Variants in CSRNP3 observed in about 807,000 individuals in gnomAD.
The protein encoded by CSRNP3 is cysteine/serine-rich nuclear protein 3.
CSRNP3 carries 12 observed loss-of-function variants against 48.0 expected under a neutral mutation model. The ratio of observed to expected loss-of-function variants is 0.25; its 90% CI spans 0.16 to 0.41. The LOEUF is 0.41. CSRNP3 is among the 10% of genes least tolerant of loss of function. CSRNP3 has a pLI of 1.00. For synonymous variants in CSRNP3, 263 were observed against 269.7 expected (o/e 0.98, Z 0.24); for missense variants, 580 against 724.4 (o/e 0.80, Z 2.29).
intron 4 of CSRNP3, among the ~76,000 whole-genome samples, chr2:165,599,375 T>C (rs202147888): frequency 6.6e-6 from 1 of 150,818 alleles, no homozygotes; most frequent in Non-Finnish European, 1.5e-5. Flanking sequence ...TCTGAGGTTT[T>C]TTTGTTTGTT....
intron 2 of CSRNP3, among the ~76,000 whole-genome samples, chr2:165,516,629 A>G (rs768164298): frequency 1.3e-5 from 2 of 152,142 alleles, no homozygotes; most frequent in African/African-American, 4.8e-5. Flanking sequence ...AAATAATAAA[A>G]TTGAATTTTG....
At position 165,618,097 on chromosome 2, in the gene CSRNP3, T is replaced by C. The variant is rs538730163; in HGVS notation, c.148+22884T>C. Among the ~76,000 whole-genome samples, 10 of 152,324 alleles carry C rather than the reference T, an allele frequency of 6.6e-5. No homozygotes were observed. In the South Asian group the frequency reaches 1.9e-3, roughly 28 times the overall value. ...GAATTTCCTCTCTAGAACAGTGTAG[T>C]AATGTGAACTACATGCAGCTGCCTG... On this transcript the variant is annotated intron_variant, in intron 4 of 6. Coordinates refer to ENST00000651982, the MANE Select transcript of CSRNP3 (RefSeq NM_001172173.2).
At chr2:165,508,620 A>C (rs1684459669) in intron 2 of CSRNP3, among the ~76,000 whole-genome samples, 1 of 152,110 alleles carries the variant, frequency 6.6e-6, no homozygotes, top group Non-Finnish European at 1.5e-5. Context: ...ACATTTACAT[A>C]TTCTAAGAGG....
intron 1 of CSRNP3, among the ~76,000 whole-genome samples, chr2:165,490,317 G>A (rs1418867412): frequency 1.3e-5 from 2 of 148,676 alleles, no homozygotes; most frequent in Admixed American, 1.3e-4. Flanking sequence ...ACAAATGGAA[G>A]AAAATTCCAT....
chr2:165,587,372 T>G (rs2105288409), intron 3 of CSRNP3, among the ~76,000 whole-genome samples: 1 of 152,334 alleles, frequency 6.6e-6, no homozygotes, highest in East Asian at 1.9e-4. Context: ...GATGAGGAAA[T>G]GATACTGGCT....
chr2:165,528,049 T>C (rs1343613064), intron 3 of CSRNP3, among the ~76,000 whole-genome samples: 1 of 152,064 alleles, frequency 6.6e-6, no homozygotes. Flanking sequence ...GTCAAAGAAA[T>C]AGAAATAAAA....
intron 3 of CSRNP3, among the ~76,000 whole-genome samples, chr2:165,547,552 G>A (rs952904777): frequency 2.0e-5 from 3 of 151,904 alleles, no homozygotes; most frequent in African/African-American, 2.4e-5. Flanking sequence ...CTTTTCATAC[G>A]TATATTGGCA....
chr2:165,554,649 A>G (rs1348334742), intron 3 of CSRNP3, among the ~76,000 whole-genome samples: 2 of 152,156 alleles, frequency 1.3e-5, no homozygotes, highest in Non-Finnish European at 2.9e-5. Flanking sequence ...AATATTCAGA[A>G]TAAATCATTT....
chr2:165,523,587 G>T (rs1574820188), intron 3 of CSRNP3, among the ~76,000 whole-genome samples: 1 of 152,142 alleles, frequency 6.6e-6, no homozygotes, highest in African/African-American at 2.4e-5. Context: ...AGGGGTATTT[G>T]ACATTGTTAA....
chr2:165,496,528 T>G (rs1227102823), intron 2 of CSRNP3, among the ~76,000 whole-genome samples: 2 of 152,016 alleles, frequency 1.3e-5, no homozygotes, highest in African/African-American at 2.4e-5. Context: ...GTCCACTGGA[T>G]ATTCTTACCC....
At chr2:165,495,866 G>T (rs1005611993) in intron 2 of CSRNP3, among the ~76,000 whole-genome samples, 1 of 151,772 alleles carries the variant, frequency 6.6e-6, no homozygotes, top group Non-Finnish European at 1.5e-5. Context: ...TTTTTCTGGG[G>T]TATTTGTATT....
chr2:165,516,486 A>G (rs1051651714), intron 2 of CSRNP3, among the ~76,000 whole-genome samples: 4 of 152,186 alleles, frequency 2.6e-5, no homozygotes, highest in Non-Finnish European at 5.9e-5. Flanking sequence ...AATGATAACT[A>G]TATGAGGTAG....
At chr2:165,604,156 A>T (rs186421613) in intron 4 of CSRNP3, among the ~76,000 whole-genome samples, 1 of 152,332 alleles carries the variant, frequency 6.6e-6, no homozygotes, top group East Asian at 1.9e-4. Flanking sequence ...ACAAGACATG[A>T]TCCAGTTTCT....
chr2:165,506,997 C>T lies in CSRNP3; in HGVS notation c.-112-10876C>T, dbSNP rs76012711. Among the ~76,000 whole-genome samples, 523 of 151,712 alleles carry T rather than the reference C, an allele frequency of 3.4e-3. 23 individuals are homozygous for T. In the East Asian group the frequency reaches 0.092, roughly 27 times the overall value. On this transcript the variant is annotated intron_variant, in intron 2 of 6. Coordinates refer to ENST00000651982, the MANE Select transcript of CSRNP3 (RefSeq NM_001172173.2). ...CCATATTAGTAATTCACTTTGATCTCGTAGTTCATAAACATGAAAAAAAGC... is the reference window on the plus strand; with the variant it reads ...CCATATTAGTAATTCACTTTGATCTTGTAGTTCATAAACATGAAAAAAAGC...
rs146985535 is a variant in CSRNP3, at chr2:165,639,074, C to G, written c.149-18687C>G. On this transcript the variant is annotated intron_variant, in intron 4 of 6. Transcript: ENST00000651982. Reference sequence around the variant, plus strand: ...GATTGATTAACATTAAACTTATGACCAACAACACCATAACTTATGCCTGAA... The same window carrying G: ...GATTGATTAACATTAAACTTATGACGAACAACACCATAACTTATGCCTGAA... 8.6e-3 allele frequency among the ~76,000 whole-genome samples: 1,312 copies of G among 152,090 alleles called. 22 individuals are homozygous for G. Among genetic ancestry groups the G allele is most frequent in the African/African-American group, 0.03 (1,242 of 41,450 alleles).
At chr2:165,582,537 G>A (rs757359102) in intron 3 of CSRNP3, among the ~76,000 whole-genome samples, 10 of 152,188 alleles carry the variant, frequency 6.6e-5, no homozygotes, top group Non-Finnish European at 8.8e-5. Flanking sequence ...CACAAATGCC[G>A]GAAGAAACTG....
intron 1 of CSRNP3, among the ~76,000 whole-genome samples, chr2:165,470,808 C>T (rs1409772033): frequency 2.6e-5 from 4 of 151,946 alleles, no homozygotes; most frequent in Non-Finnish European, 4.4e-5. Context: ...TTATGACTGA[C>T]TTCAGTACAC....
In CSRNP3 at chr2:165,681,308, T is replaced by C. The variant is rs1307334116; in HGVS notation, c.*1555T>C. On this transcript the variant is annotated 3_prime_UTR_variant, in exon 7 of 7. Transcript: ENST00000651982. ...TCACATGTTTTATAACTATTTGAAA[T>C]GCGGACATGACTTGCTATTCAGTGA... 6.6e-6 allele frequency: 1 copy of C among 152,172 alleles called. No individual in the cohort carries two copies. The highest frequency in any genetic ancestry group is 1.5e-5 in the Non-Finnish European group (1 of 68,024). The allele number at this position is 152,172 out of a possible 1,614,324, so 9.4% of individuals were successfully genotyped here. A position where few individuals can be genotyped will look rare whatever the true frequency, so the allele number is the denominator to read the frequency against.
chr2:165,558,796 T>C (rs1685194369), intron 3 of CSRNP3, among the ~76,000 whole-genome samples: 1 of 152,232 alleles, frequency 6.6e-6, no homozygotes, highest in African/African-American at 2.4e-5. Context: ...TTGCCAGCAC[T>C]CAGTTATCTA....
Sources: allele counts gnomAD v4.1 joint callset (sites outside exome capture counted in the v4.1 genomes callset), GRCh38; gene constraint gnomAD v4.1.1; transcripts MANE v1.5; gene names NCBI Gene and HGNC (gene_info 2026-07-23, HGNC 2026-07-21).